The following GPR39 variants were observed in gnomAD, a reference collection of about 807,000 sequenced individuals.
The protein encoded by GPR39 is zinc sensing receptor.
In GPR39, 23 loss-of-function variants were observed where a neutral mutation model predicts 18.4. That is an observed-to-expected ratio of 1.25 (90% CI 0.90 to 1.77). GPR39 has a LOEUF of 1.77. Ranked by LOEUF, GPR39 falls within the 40% of genes most tolerant of loss-of-function variation. The pLI is 0.00. For missense variants in GPR39, 647 were observed against 602.4 expected, an observed-to-expected ratio of 1.07 and a Z score of -0.78; for synonymous variants, 280 against 257.9, an observed-to-expected ratio of 1.09 and a Z score of -0.82.
intron 1 of GPR39, among the ~76,000 whole-genome samples, chr2:132,634,865 T>C (rs147805199): frequency 7.8e-4 from 119 of 152,322 alleles, no homozygotes; most frequent in Admixed American, 6.4e-3. Context: ...ATATGTACTC[T>C]GTTTGTACCC....
At chr2:132,444,299 T>G (rs915207544) in intron 1 of GPR39, among the ~76,000 whole-genome samples, 11 of 136,670 alleles carry the variant, frequency 8.0e-5, no homozygotes, top group Non-Finnish European at 1.2e-4. Flanking sequence ...ATTATGGGAA[T>G]TTTTTTTTTT....
chr2:132,474,235 T>A (rs1389952864), intron 1 of GPR39, among the ~76,000 whole-genome samples: 1 of 152,240 alleles, frequency 6.6e-6, no homozygotes, highest in African/African-American at 2.4e-5. Flanking sequence ...AGGCATATTT[T>A]CTGCATATCT....
At chr2:132,420,498 C>T (rs1026473667) in intron 1 of GPR39, among the ~76,000 whole-genome samples, 2 of 152,118 alleles carry the variant, frequency 1.3e-5, no homozygotes, top group Non-Finnish European at 2.9e-5. Context: ...GTTTACAAAT[C>T]GCTGAATTTA....
chr2:132,469,202 A>G lies in GPR39; in HGVS notation c.856+51304A>G, dbSNP rs558564720. On this transcript the variant is annotated intron_variant, in intron 1 of 1. Coordinates refer to ENST00000329321, the MANE Select transcript of GPR39 (RefSeq NM_001508.3). ...CAGAGGCCCAGTTCCATCCCCCTGT[A>G]GGCATCAGAAAAGGGCTGCTTCCTG... Among the ~76,000 whole-genome samples the G allele has an allele frequency of 2.6e-5, 4 of 152,116 alleles. No homozygotes were observed. The South Asian group carries it at 8.3e-4, about 32-fold the overall frequency.
chr2:132,535,112 G>A (rs559119752), intron 1 of GPR39, among the ~76,000 whole-genome samples: 3 of 152,248 alleles, frequency 2.0e-5, no homozygotes, highest in African/African-American at 7.2e-5. Flanking sequence ...CCAGTACTAT[G>A]TTGAGTAGGA....
In GPR39 at chr2:132,632,560, G is replaced by A. The variant is rs55872241; in HGVS notation, c.857-12541G>A. On this transcript the variant is annotated intron_variant, in intron 1 of 1. Coordinates refer to ENST00000329321, the MANE Select transcript of GPR39 (RefSeq NM_001508.3). ...GCAGCTGGCTGGGGCTGTGTGTTTC[G>A]GTGCATGAACTCTGGACCAGGCTGC... 2.7e-4 allele frequency among the ~76,000 whole-genome samples: 41 copies of A among 152,178 alleles called. 1 individual carries two copies. The South Asian group carries it at 8.1e-3, about 30-fold the overall frequency.
At chr2:132,494,654 C>A (rs1681604155) in intron 1 of GPR39, among the ~76,000 whole-genome samples, 1 of 152,158 alleles carries the variant, frequency 6.6e-6, no homozygotes, top group South Asian at 2.1e-4. Flanking sequence ...GAAATGGAGT[C>A]AAATTTCCAT....
intron 1 of GPR39, among the ~76,000 whole-genome samples, chr2:132,455,097 A>T (rs10208201): frequency 2.0e-5 from 3 of 151,938 alleles, no homozygotes; most frequent in African/African-American, 7.3e-5. Context: ...TTCGGCTGTG[A>T]ACCTGTCTGG....
intron 1 of GPR39, among the ~76,000 whole-genome samples, chr2:132,468,870 C>A (rs999678571): frequency 3.9e-5 from 6 of 152,258 alleles, no homozygotes; most frequent in Admixed American, 2.6e-4. Flanking sequence ...TGTCTTTCCT[C>A]CTCCCCAGGT....
At chr2:132,473,569 G>A (rs76575925) in intron 1 of GPR39, among the ~76,000 whole-genome samples, 16 of 151,982 alleles carry the variant, frequency 1.1e-4, no homozygotes, top group African/African-American at 3.6e-4. Context: ...GAAAAAAAAA[G>A]CATTTATCAA....
At chr2:132,592,213 C>T (rs1048336689) in intron 1 of GPR39, among the ~76,000 whole-genome samples, 4 of 152,068 alleles carry the variant, frequency 2.6e-5, no homozygotes, top group Admixed American at 2.6e-4. Flanking sequence ...GCAATCAGTA[C>T]TAAAGAGAAA....
chr2:132,584,017 T>C (rs1680677055), intron 1 of GPR39, among the ~76,000 whole-genome samples: 1 of 151,940 alleles, frequency 6.6e-6, no homozygotes, highest in African/African-American at 2.4e-5. Context: ...CACACCTTTC[T>C]AGGGAGGGAA....
At position 132,645,794 on chromosome 2, in the gene GPR39, A is replaced by G. The variant is rs932533337; in HGVS notation, c.*188A>G. The G allele has an allele frequency of 3.7e-6, 3 of 805,806 alleles. No homozygotes were observed. In the African/African-American group the frequency reaches 5.2e-5, roughly 14 times the overall value. The allele number at this position is 805,806 out of a possible 1,614,324, so 49.9% of individuals were successfully genotyped here. On this transcript the variant is annotated 3_prime_UTR_variant, in exon 2 of 2. Transcript: ENST00000329321. ...TGCCAGCCTGGCCTTGACTCCGGTT[A>G]CACAGACATGGGGGTGAACTTTCAC...
Position 132,548,209 on chromosome 2 carries a change from A to G in GPR39, c.857-96892A>G, listed in dbSNP as rs141192390. Among the ~76,000 whole-genome samples, 1,304 of 152,256 alleles carry G rather than the reference A, an allele frequency of 8.6e-3. 8 individuals carry two copies. The highest frequency in any genetic ancestry group is 0.019 in the South Asian group (90 of 4,824). On this transcript the variant is annotated intron_variant, in intron 1 of 1. Coordinates refer to ENST00000329321, the MANE Select transcript of GPR39 (RefSeq NM_001508.3). ...ATCATGTCTCCTTTTCAGCTGCCCA[A>G]TTCAATTCCATTTGGTGCTGCTCGT...
chr2:132,541,203 C>A (rs1679855510), intron 1 of GPR39, among the ~76,000 whole-genome samples: 1 of 152,146 alleles, frequency 6.6e-6, no homozygotes, highest in South Asian at 2.1e-4. Flanking sequence ...CTCAACTCAG[C>A]CTCCCCAGTA....
intron 1 of GPR39, among the ~76,000 whole-genome samples, chr2:132,560,155 G>A (rs557864338): frequency 2.0e-5 from 3 of 151,914 alleles, no homozygotes; most frequent in South Asian, 2.1e-4. Context: ...ACCTCCAACC[G>A]CCCACCTGCC....
intron 1 of GPR39, among the ~76,000 whole-genome samples, chr2:132,437,389 T>G (rs536074580): frequency 1.3e-5 from 2 of 152,344 alleles, no homozygotes; most frequent in African/African-American, 4.8e-5. Flanking sequence ...CCTTCATAGA[T>G]GCTCCTGGGG....
chr2:132,644,518 T>A (rs1271575092), intron 1 of GPR39, among the ~76,000 whole-genome samples: 2 of 152,270 alleles, frequency 1.3e-5, no homozygotes, highest in Non-Finnish European at 2.9e-5. Flanking sequence ...AGTATGTATA[T>A]GTCCAAAAAA....
chr2:132,521,577 A>C (rs945322567), intron 1 of GPR39, among the ~76,000 whole-genome samples: 2 of 152,176 alleles, frequency 1.3e-5, no homozygotes, highest in Non-Finnish European at 2.9e-5. Flanking sequence ...CCTCGGCTCC[A>C]TCCCCCAGAG....
Sources: allele counts gnomAD v4.1 joint callset (sites outside exome capture counted in the v4.1 genomes callset), GRCh38; gene constraint gnomAD v4.1.1; transcripts MANE v1.5; gene names NCBI Gene and HGNC (gene_info 2026-07-23, HGNC 2026-07-21).